The following RELL1 variants were observed in gnomAD, a reference collection of about 807,000 sequenced individuals.
The protein encoded by RELL1 is RELT-like protein 1.
RELL1 carries 10 observed loss-of-function variants against 23.0 expected under a neutral mutation model. That is an observed-to-expected ratio of 0.43 (90% CI 0.27 to 0.74). The LOEUF is 0.74. Ranked by LOEUF, RELL1 falls within the 30% of genes least tolerant of loss-of-function variation. The pLI is 0.19. For synonymous variants in RELL1, 146 were observed against 146.8 expected (o/e 0.99, Z 0.04); for missense variants, 315 against 364.4 (o/e 0.86, Z 1.10).
chr4:37,658,123 C>G (rs1721192630), intron 1 of RELL1, among the ~76,000 whole-genome samples: 1 of 152,094 alleles, frequency 6.6e-6, no homozygotes, highest in Non-Finnish European at 1.5e-5. Context: ...GAGGGGACTT[C>G]AGCAGACAGG....
At chr4:37,599,882 G>A (rs1051514881) in intron 6 of RELL1, among the ~76,000 whole-genome samples, 3 of 152,094 alleles carry the variant, frequency 2.0e-5, no homozygotes, top group East Asian at 1.9e-4. Context: ...GTATAGTGGA[G>A]GTGATGGCTA....
intron 1 of RELL1, among the ~76,000 whole-genome samples, chr4:37,665,824 C>A (rs1423500797): frequency 6.6e-6 from 1 of 152,176 alleles, no homozygotes; most frequent in South Asian, 2.1e-4. Context: ...GGAGCTAGAT[C>A]CCTGGTTTCT....
At chr4:37,664,436 A>G (rs935953087) in intron 1 of RELL1, among the ~76,000 whole-genome samples, 3 of 152,178 alleles carry the variant, frequency 2.0e-5, no homozygotes, top group Non-Finnish European at 4.4e-5. Flanking sequence ...TCATAAAGGT[A>G]AAAGTAAAAG....
downstream of RELL1, chr4:37,588,955 C>A (rs1465406173): frequency 1.5e-6 from 2 of 1,362,724 alleles, no homozygotes; most frequent in African/African-American, 1.4e-5. Context: ...AGCGTGGGGT[C>A]ACTTTTAAAG....
intron 6 of RELL1, among the ~76,000 whole-genome samples, chr4:37,598,252 C>CAAAAAAAAAAAAAAAAAA (rs56142508): frequency 1.8e-4 from 2 of 11,344 alleles, no homozygotes; most frequent in Admixed American, 6.8e-4. Context: ...AACTCTGTCT[C>CAAAAAAAAAAAAAAAAAA]AAAAAAAAAA....
chr4:37,599,957 A>G (rs958698508), intron 6 of RELL1, among the ~76,000 whole-genome samples: 4 of 152,336 alleles, frequency 2.6e-5, no homozygotes, highest in Non-Finnish European at 5.9e-5. Flanking sequence ...TACCCAGCAC[A>G]AAGTAAACAA....
intron 6 of RELL1, among the ~76,000 whole-genome samples, chr4:37,615,075 T>C (rs1560329837): frequency 6.6e-6 from 1 of 152,168 alleles, no homozygotes; most frequent in Non-Finnish European, 1.5e-5. Context: ...ACTGGGGATT[T>C]GACATGAGAT....
chr4:37,658,567 C>T (rs1296084533), intron 1 of RELL1, among the ~76,000 whole-genome samples: 1 of 152,162 alleles, frequency 6.6e-6, no homozygotes, highest in Non-Finnish European at 1.5e-5. Context: ...ATCAAGGTCA[C>T]GTGGCTACCA....
intron 6 of RELL1, among the ~76,000 whole-genome samples, chr4:37,604,763 A>G (rs1461025026): frequency 2.7e-5 from 4 of 148,510 alleles, no homozygotes; most frequent in African/African-American, 7.6e-5. Flanking sequence ...AACAAGAACC[A>G]CACACACACA....
At chr4:37,600,712 TG>T in intron 6 of RELL1, among the ~76,000 whole-genome samples, 1 of 152,076 alleles carries the variant, frequency 6.6e-6, no homozygotes, top group Middle Eastern at 3.4e-3. Flanking sequence ...ATGGAAGATT[TG>T]GGAGGGTTGA....
At chr4:37,588,897 A>G (rs1275876410), downstream of RELL1, 1 of 1,612,390 alleles carries the variant, frequency 6.2e-7, no homozygotes, top group Non-Finnish European at 8.5e-7. Flanking sequence ...AAATAATACA[A>G]AGGTAAAGCT....
chr4:37,605,091 A>G (rs1233612144), intron 6 of RELL1, among the ~76,000 whole-genome samples: 2 of 152,234 alleles, frequency 1.3e-5, no homozygotes, highest in African/African-American at 2.4e-5. Context: ...AGGTTTCCTC[A>G]CTGTTGGAGA....
At chr4:37,638,165 A>C (rs189615264) in intron 4 of RELL1, among the ~76,000 whole-genome samples, 7 of 152,176 alleles carry the variant, frequency 4.6e-5, no homozygotes, top group Non-Finnish European at 1.5e-5. Context: ...GACTGTCCCC[A>C]CTACGGGACA....
intron 1 of RELL1, 148 bp downstream of exon 1, chr4:37,686,052 G>T: frequency 1.5e-6 from 1 of 678,362 alleles, no homozygotes; most frequent in Non-Finnish European, 2.4e-6. Flanking sequence ...CCGGACCGCC[G>T]CGGGACAGCC....
downstream of RELL1, chr4:37,588,689 AC>A: frequency 3.5e-6 from 2 of 575,732 alleles, no homozygotes; most frequent in South Asian, 4.5e-5. Context: ...ATTCCTGGTA[AC>A]CAGCACCCTC....
intron 6 of RELL1, among the ~76,000 whole-genome samples, chr4:37,626,517 T>G (rs1278676899): frequency 6.6e-6 from 1 of 151,938 alleles, no homozygotes; most frequent in Non-Finnish European, 1.5e-5. Flanking sequence ...TACCATATGA[T>G]CCAACAATCC....
Position 37,680,725 on chromosome 4 carries a change from G to A in RELL1, c.88+5475C>T, listed in dbSNP as rs1405315531. On this transcript the variant is annotated intron_variant, in intron 1 of 6. Coordinates refer to ENST00000454158, the MANE Select transcript of RELL1 (RefSeq NM_001085400.2). ...GGGCGGATCATGAGGTCAGAAGATC[G>A]AGACCATCCTGGCTAACACGGTGAA... Among the ~76,000 whole-genome samples, 4 of 151,958 alleles carry A rather than the reference G, an allele frequency of 2.6e-5. No homozygotes were observed. The East Asian group carries it at 5.8e-4, about 22-fold the overall frequency.
At chr4:37,645,990 G>A (rs1186458803) in intron 3 of RELL1, among the ~76,000 whole-genome samples, 1 of 152,206 alleles carries the variant, frequency 6.6e-6, no homozygotes, top group Non-Finnish European at 1.5e-5. Flanking sequence ...CAGAGGAGCA[G>A]GTATTTACTG....
intron 1 of RELL1, among the ~76,000 whole-genome samples, chr4:37,660,899 C>G (rs6531563): frequency 6.6e-6 from 1 of 151,788 alleles, no homozygotes; most frequent in African/African-American, 2.4e-5. Context: ...GGCATGGTGG[C>G]GGGCGCCTGT....
Sources: allele counts gnomAD v4.1 joint callset (sites outside exome capture counted in the v4.1 genomes callset), GRCh38; gene constraint gnomAD v4.1.1; transcripts MANE v1.5; gene names NCBI Gene and HGNC (gene_info 2026-07-23, HGNC 2026-07-21).